RALGPS1: variants seen among roughly 807,000 people sequenced by gnomAD.
RALGPS1 encodes Ral GEF with PH domain and SH3 binding motif 1.
In RALGPS1, 19 loss-of-function variants were observed where a neutral mutation model predicts 78.8. The ratio of observed to expected loss-of-function variants is 0.24; its 90% confidence interval spans 0.17 to 0.35. The LOEUF is 0.35. RALGPS1 is among the 10% of genes least tolerant of loss of function. RALGPS1 has a pLI of 1.00. For missense variants in RALGPS1, 454 were observed against 688.3 expected (o/e 0.66, Z 3.81); for synonymous variants, 228 against 256.3 (o/e 0.89, Z 1.06).
At chr9:127,086,659 G>A (rs1258541032) in intron 8 of RALGPS1, among the ~76,000 whole-genome samples, 1 of 152,016 alleles carries the variant, frequency 6.6e-6, no homozygotes, top group Non-Finnish European at 1.5e-5. Flanking sequence ...TTTTAATCTT[G>A]GTCATGTTTT....
chr9:127,166,248 T>G (rs1025466678), intron 9 of RALGPS1, 42 bp downstream of exon 9: 32 of 1,606,502 alleles, frequency 2.0e-5, no homozygotes, highest in Non-Finnish European at 2.5e-5. Flanking sequence ...CTTACGTCAT[T>G]GAAATTTGGG....
At chr9:127,055,656 G>T (rs2048679506) in intron 7 of RALGPS1, among the ~76,000 whole-genome samples, 1 of 152,170 alleles carries the variant, frequency 6.6e-6, no homozygotes, top group Admixed American at 6.5e-5. Context: ...CAGCTAAGTG[G>T]CAGGGCTAGG....
intron 1 of RALGPS1, among the ~76,000 whole-genome samples, chr9:126,933,244 C>T (rs2035963290): frequency 6.6e-6 from 1 of 152,006 alleles, no homozygotes; most frequent in South Asian, 2.1e-4. Flanking sequence ...AGGGATGACT[C>T]CAGAAAGAGG....
At chr9:127,108,479 G>A in intron 8 of RALGPS1, 1 of 1,612,534 alleles carries the variant, frequency 6.2e-7, no homozygotes. Flanking sequence ...TCCTGCTTAT[G>A]CACTCGGTTC....
At chr9:127,034,884 C>G (rs1310943685) in intron 5 of RALGPS1, among the ~76,000 whole-genome samples, 3 of 152,116 alleles carry the variant, frequency 2.0e-5, no homozygotes, top group African/African-American at 7.2e-5. Context: ...TACCTTATCT[C>G]TCTCCTGTCA....
intron 8 of RALGPS1, among the ~76,000 whole-genome samples, chr9:127,114,121 G>T (rs749003434): frequency 6.6e-6 from 1 of 152,160 alleles, no homozygotes; most frequent in Non-Finnish European, 1.5e-5. Context: ...AACAGCCCTC[G>T]GAAGGCGGCC....
chr9:127,105,662 C>T (rs2054148268), intron 8 of RALGPS1, among the ~76,000 whole-genome samples: 1 of 152,182 alleles, frequency 6.6e-6, no homozygotes, highest in Non-Finnish European at 1.5e-5. Context: ...TCACTGCATT[C>T]CTGATTTTAG....
At chr9:126,981,409 A>G (rs537055360) in intron 4 of RALGPS1, among the ~76,000 whole-genome samples, 1 of 152,322 alleles carries the variant, frequency 6.6e-6, no homozygotes, top group Non-Finnish European at 1.5e-5. Flanking sequence ...GCAGCTCCCA[A>G]TGATGGAGTG....
intron 8 of RALGPS1, among the ~76,000 whole-genome samples, chr9:127,092,890 T>G (rs2052652504): frequency 6.6e-6 from 1 of 152,114 alleles, no homozygotes; most frequent in South Asian, 2.1e-4. Context: ...CAGAGCCATG[T>G]GTGCAAGGCA....
intron 8 of RALGPS1, among the ~76,000 whole-genome samples, chr9:127,119,508 CTG>C (rs1438510745): frequency 1.3e-5 from 2 of 152,344 alleles, no homozygotes; most frequent in African/African-American, 2.4e-5. Context: ...AATCACATAA[CTG>C]TGTGACTTTG....
intron 8 of RALGPS1, among the ~76,000 whole-genome samples, chr9:127,140,383 A>T (rs1335312986): frequency 6.6e-6 from 1 of 152,216 alleles, no homozygotes; most frequent in Non-Finnish European, 1.5e-5. Flanking sequence ...CCTGAACGGG[A>T]TGTACCCAGG....
chr9:127,015,793 C>A (rs957731848), intron 4 of RALGPS1, among the ~76,000 whole-genome samples: 1 of 152,032 alleles, frequency 6.6e-6, no homozygotes, highest in Non-Finnish European at 1.5e-5. Flanking sequence ...CCCTCTTCTC[C>A]CAAGTTCTTC....
intron 4 of RALGPS1, among the ~76,000 whole-genome samples, chr9:126,997,035 A>C (rs1292327205): frequency 6.6e-6 from 1 of 152,196 alleles, no homozygotes; most frequent in East Asian, 1.9e-4. Flanking sequence ...ACGTATCTCA[A>C]AATAATAAGA....
chr9:127,029,206 C>A (rs2046212806), intron 4 of RALGPS1, among the ~76,000 whole-genome samples: 1 of 152,246 alleles, frequency 6.6e-6, no homozygotes, highest in Non-Finnish European at 1.5e-5. Context: ...ATTTGCCCAT[C>A]TCCTTAGCCC....
intron 8 of RALGPS1, among the ~76,000 whole-genome samples, chr9:127,156,893 T>C (rs574938375): frequency 6.6e-6 from 1 of 152,256 alleles, no homozygotes; most frequent in South Asian, 2.1e-4. Context: ...CTGTAATTTA[T>C]TCTGTTTTAG....
At chr9:127,182,434 CT>C (rs758462743) in intron 11 of RALGPS1, among the ~76,000 whole-genome samples, 4,131 of 114,652 alleles carry the variant, frequency 0.036, 167 homozygotes, top group African/African-American at 0.11. Flanking sequence ...TCCTTCCTTC[CT>C]TTTTTTTTTT....
chr9:127,212,071 T>G lies in RALGPS1; in HGVS notation c.1248-60T>G. The G allele has an allele frequency of 7.2e-7, 1 of 1,380,456 alleles. No homozygotes were observed. The highest frequency in any genetic ancestry group is 1.0e-6 in the Non-Finnish European group (1 of 998,758). The allele number at this position is 1,380,456 out of a possible 1,614,324, so 85.5% of individuals were successfully genotyped here. A position where few individuals can be genotyped will look rare whatever the true frequency, so the allele number is the denominator to read the frequency against. On this transcript the variant is annotated intron_variant, in intron 14 of 18. Coordinates refer to ENST00000259351, the MANE Select transcript of RALGPS1 (RefSeq NM_014636.3). This position sits in a 1 kb window ranked among gnomAD's most constrained non-coding sequence, Gnocchi z 6.0. ...TGGGGCACCTGTGGTCCCCAGTGAG[T>G]GAGAGGGTGCTTGACCTCAGCTCCT...
chr9:126,924,650 CAA>C lies in RALGPS1; in HGVS notation c.-66+9677_-66+9678del, dbSNP rs1232509485. On this transcript the variant is annotated intron_variant, in intron 1 of 18. Coordinates refer to ENST00000259351, the MANE Select transcript of RALGPS1 (RefSeq NM_014636.3). ...TTGTGTTATGAGGCTTAAGTCAGAA[CAA>C]AGAGAGCTGGATGATGATAAAGGAT... 4.6e-5 allele frequency among the ~76,000 whole-genome samples: 7 copies of C among 152,308 alleles called. No homozygotes were observed. The East Asian group carries it at 1.2e-3, about 25-fold the overall frequency.
intron 8 of RALGPS1, among the ~76,000 whole-genome samples, chr9:127,081,925 C>T (rs1485646048): frequency 6.6e-6 from 1 of 152,232 alleles, no homozygotes; most frequent in Admixed American, 6.5e-5. Context: ...CGTCTGGGCT[C>T]CCAGTGTGGG....
Sources: allele counts gnomAD v4.1 joint callset (sites outside exome capture counted in the v4.1 genomes callset), GRCh38; gene constraint gnomAD v4.1.1; non-coding constraint Gnocchi (gnomAD v3.1); transcripts MANE v1.5; gene names NCBI Gene and HGNC (gene_info 2026-07-23, HGNC 2026-07-21).